Variants in CEP83 observed in about 807,000 individuals in gnomAD.
CEP83 encodes the protein centrosomal protein 83, also known as centrosomal protein of 83 kDa.
A neutral mutation model predicts 101.9 loss-of-function variants in CEP83; 70 were observed. That is an observed-to-expected ratio of 0.69 (90% CI 0.57 to 0.84). The LOEUF (loss-of-function observed/expected upper bound fraction) is 0.84. Among genes scored for constraint, CEP83 ranks in the 40% least tolerant of loss-of-function variants. The probability of loss-of-function intolerance (pLI) is 0.00; values close to 1 mark genes in which losing one functional copy is unlikely to be tolerated. For missense variants in CEP83, 715 were observed against 787.2 expected, an observed-to-expected ratio of 0.91 and a Z score of 1.10; for synonymous variants, 264 against 267.9, an observed-to-expected ratio of 0.99 and a Z score of 0.14.
At chr12:94,425,724 G>A (rs73218265) in intron 2 of CEP83, among the ~76,000 whole-genome samples, 10,527 of 152,180 alleles carry the variant, frequency 0.069, 456 homozygotes, top group Admixed American at 0.093. Flanking sequence ...TTCACAGACC[G>A]TCTTAATCTA....
the CEP83 span, among the ~76,000 whole-genome samples, chr12:94,284,653 G>C: frequency 6.6e-6 from 1 of 152,046 alleles, no homozygotes; most frequent in South Asian, 2.1e-4. Flanking sequence ...GGCTCTGGGA[G>C]GTCTGGTAAC....
At chr12:94,414,944 A>G (rs2064156721) in intron 2 of CEP83, among the ~76,000 whole-genome samples, 1 of 152,172 alleles carries the variant, frequency 6.6e-6, no homozygotes, top group South Asian at 2.1e-4. Flanking sequence ...GATTGCTAAG[A>G]GTTAAAATTC....
chr12:94,443,231 T>TTAAG, intron 1 of CEP83, among the ~76,000 whole-genome samples: 1 of 152,218 alleles, frequency 6.6e-6, no homozygotes, highest in South Asian at 2.1e-4. Context: ...CTAGAGTCAA[T>TTAAG]TAAGTTTACA....
At chr12:94,338,608 T>C (rs1012689622) in intron 11 of CEP83, among the ~76,000 whole-genome samples, 5 of 152,272 alleles carry the variant, frequency 3.3e-5, no homozygotes, top group South Asian at 2.1e-4. Context: ...AAAAAAGTTA[T>C]TGGTATCAGA....
the CEP83 span, among the ~76,000 whole-genome samples, chr12:94,287,550 A>T: frequency 2.6e-5 from 4 of 152,164 alleles, no homozygotes; most frequent in African/African-American, 9.7e-5. Flanking sequence ...ATTTTCTCTA[A>T]AGATTACACT....
chr12:94,337,071 C>T (rs1348274808), intron 11 of CEP83, among the ~76,000 whole-genome samples: 2 of 152,276 alleles, frequency 1.3e-5, no homozygotes, highest in Non-Finnish European at 2.9e-5. Flanking sequence ...CTAAGTATAT[C>T]CTAGCTCCAG....
chr12:94,401,818 T>C (rs1307153700), intron 5 of CEP83, among the ~76,000 whole-genome samples: 1 of 152,224 alleles, frequency 6.6e-6, no homozygotes, highest in East Asian at 1.9e-4. Context: ...TCTGATCTTG[T>C]TTATTTACAA....
intron 11 of CEP83, among the ~76,000 whole-genome samples, chr12:94,352,023 G>T (rs776277925): frequency 5.3e-5 from 8 of 152,182 alleles, no homozygotes; most frequent in Non-Finnish European, 1.0e-4. Flanking sequence ...AAACAATACT[G>T]CAGGACAAAT....
chr12:94,359,221 A>T (rs1262144490), intron 11 of CEP83, among the ~76,000 whole-genome samples: 1 of 152,192 alleles, frequency 6.6e-6, no homozygotes, highest in Non-Finnish European at 1.5e-5. Flanking sequence ...GGGATTTCCC[A>T]CTTCACACTT....
chr12:94,286,784 T>C, the CEP83 span, among the ~76,000 whole-genome samples: 1 of 152,234 alleles, frequency 6.6e-6, no homozygotes, highest in Non-Finnish European at 1.5e-5. Flanking sequence ...TCCCTGCTGT[T>C]GGAGAGCCAG....
chr12:94,405,025 GGAA>G (rs796555361), intron 4 of CEP83, among the ~76,000 whole-genome samples: 19 of 150,536 alleles, frequency 1.3e-4, no homozygotes, highest in African/African-American at 4.3e-4. Flanking sequence ...TGTAGCTGTG[GGAA>G]GAAGAGGCAG....
intron 6 of CEP83, among the ~76,000 whole-genome samples, chr12:94,391,967 T>G (rs772434658): frequency 3.3e-5 from 5 of 152,110 alleles, no homozygotes; most frequent in Non-Finnish European, 7.4e-5. Context: ...GCACCCAATA[T>G]AGGAGCACCC....
intron 11 of CEP83, among the ~76,000 whole-genome samples, chr12:94,337,086 G>C (rs1445521216): frequency 6.6e-6 from 1 of 152,168 alleles, no homozygotes; most frequent in Admixed American, 6.5e-5. Flanking sequence ...CTCCAGTTGA[G>C]AATCTGGATA....
intron 2 of CEP83, among the ~76,000 whole-genome samples, chr12:94,423,066 C>A (rs1242055716): frequency 1.3e-5 from 2 of 151,976 alleles, no homozygotes; most frequent in African/African-American, 2.4e-5. Context: ...ATTTTCTATT[C>A]CAACCAAAAA....
chr12:94,446,926 G>A (rs2066852633), intron 1 of CEP83, among the ~76,000 whole-genome samples: 1 of 151,838 alleles, frequency 6.6e-6, no homozygotes, highest in South Asian at 2.1e-4. Context: ...AACACAAAGA[G>A]GAAATCTTTA....
At chr12:94,330,749 G>A (rs1332507582) in intron 14 of CEP83, among the ~76,000 whole-genome samples, 1 of 152,200 alleles carries the variant, frequency 6.6e-6, no homozygotes, top group Non-Finnish European at 1.5e-5. Context: ...TTTAACTGGA[G>A]AATGTGTTAA....
At chr12:94,383,422 A>G (rs1464878090) in intron 6 of CEP83, among the ~76,000 whole-genome samples, 4 of 152,072 alleles carry the variant, frequency 2.6e-5, no homozygotes, top group African/African-American at 7.2e-5. Flanking sequence ...TCAACTTTAC[A>G]ATGGTATAAA....
chr12:94,455,956 G>C (rs1190859847), intron 1 of CEP83, among the ~76,000 whole-genome samples: 1 of 151,738 alleles, frequency 6.6e-6, no homozygotes, highest in African/African-American at 2.4e-5. Flanking sequence ...GCTGAGGCAG[G>C]AGAATCACGT....
At position 94,416,571 on chromosome 12, in the gene CEP83, CACAAAA is replaced by C. The variant is rs1415963348; in HGVS notation, c.-101-3986_-101-3981del. 1.3e-3 allele frequency among the ~76,000 whole-genome samples: 144 copies of C among 110,872 alleles called. 1 individual carries two copies. The highest frequency in any genetic ancestry group is 6.4e-3 in the East Asian group (26 of 4,038). 72.7% of individuals were successfully genotyped at this position (110,872 alleles called of 152,430 possible). ...TACCATACACACACACACACACACA[CACAAAA>C]AAAAAAAAACTGTAGTTCCACCCCC... On this transcript the variant is annotated intron_variant, in intron 2 of 16. Transcript: ENST00000397809.
Sources: gnomAD v4.1 joint callset for allele counts (sites outside exome capture counted in the v4.1 genomes callset) on GRCh38, gnomAD v4.1.1 for gene constraint, MANE v1.5 for transcripts, NCBI Gene and HGNC (gene_info 2026-07-23, HGNC 2026-07-21) for gene names.